The following JOSD1 variants were observed in gnomAD, a reference collection of about 807,000 sequenced individuals.
The protein encoded by JOSD1 is Josephin domain containing 1.
A neutral mutation model predicts 24.3 loss-of-function variants in JOSD1; 11 were observed. The ratio of observed to expected loss-of-function variants is 0.45; its 90% CI spans 0.29 to 0.75. JOSD1 has a LOEUF of 0.75. JOSD1 is among the 30% of genes least tolerant of loss of function. JOSD1 has a pLI of 0.11. For missense variants in JOSD1, 184 were observed against 253.5 expected, an observed-to-expected ratio of 0.73 and a Z score of 1.86; for synonymous variants, 106 against 93.8, an observed-to-expected ratio of 1.13 and a Z score of -0.75.
At chr22:38,700,718 C>T (rs562479007) in intron 1 of JOSD1, 82 bp downstream of exon 1, 3 of 979,080 alleles carry the variant, frequency 3.1e-6, no homozygotes, top group Admixed American at 6.2e-5. Flanking sequence ...CGGCGAAGGG[C>T]TGGCCCGCGA....
At chr22:38,689,781 T>C (rs917699155) in intron 2 of JOSD1, among the ~76,000 whole-genome samples, 1 of 152,046 alleles carries the variant, frequency 6.6e-6, no homozygotes, top group Admixed American at 6.6e-5. Context: ...AACTTGGTAA[T>C]CATTAATCAT....
Position 38,700,496 on chromosome 22 carries a change from C to T in JOSD1, c.-509G>A. 1 of 986,252 alleles carries T rather than the reference C, an allele frequency of 1.0e-6. No homozygotes were observed. Among genetic ancestry groups the T allele is most frequent in the African/African-American group, 1.7e-5 (1 of 57,374 alleles). 61.1% of individuals were successfully genotyped at this position (986,252 alleles called of 1,614,324 possible). ...GAGTCGAGTAGCTAGCGCGGGCCGG[C>T]AGGCGTGGGACCGCGAGCCGCGCGG... On this transcript the variant is annotated 5_prime_UTR_variant, in exon 2 of 5. Coordinates refer to ENST00000683374, the MANE Select transcript of JOSD1 (RefSeq NM_001360236.2).
chr22:38,691,511 T>C (rs2092522187), intron 2 of JOSD1, among the ~76,000 whole-genome samples: 1 of 152,182 alleles, frequency 6.6e-6, no homozygotes, highest in Non-Finnish European at 1.5e-5. Flanking sequence ...GCAGATCTCA[T>C]CTCTTACCTT....
chr22:38,693,594 T>C (rs1381512005), intron 2 of JOSD1, among the ~76,000 whole-genome samples: 2 of 152,174 alleles, frequency 1.3e-5, no homozygotes, highest in African/African-American at 4.8e-5. Flanking sequence ...CATATGGCCT[T>C]TATTCTATTT....
chr22:38,692,361 A>G (rs1268242356), intron 2 of JOSD1, among the ~76,000 whole-genome samples: 1 of 152,130 alleles, frequency 6.6e-6, no homozygotes, highest in South Asian at 2.1e-4. Flanking sequence ...AGGACCCAAG[A>G]ATCAGAGTGG....
Position 38,688,984 on chromosome 22 carries a change from C to T in JOSD1, c.460G>A (p.Asp154Asn), listed in dbSNP as rs1236654990. The change falls in exon 4 of 5, where the codon GAC becomes AAC. Residue 154 changes from aspartate (D) to asparagine (N), a missense_variant. Physicochemically the swap from Asp to Asn is conservative, Grantham distance 23. Coordinates refer to ENST00000683374, the MANE Select transcript of JOSD1 (RefSeq NM_001360236.2). ...CACTCGGGCATCTTGAGTTTGGAGT[C>T]GAGGTTGTAGTAGGCCCCTCCCACC... is the stretch of plus-strand genomic sequence containing the variant. ...REVGGAYYNL[D>N]SKLKMPEWIG... 4 of 1,614,074 alleles carry T rather than the reference C, an allele frequency of 2.5e-6. No homozygotes were observed. Among genetic ancestry groups the T allele is most frequent in the African/African-American group, 1.3e-5 (1 of 75,046 alleles).
intron 4 of JOSD1, 29 bp downstream of exon 4, chr22:38,688,906 G>T (rs763223657): frequency 6.3e-7 from 1 of 1,592,160 alleles, no homozygotes; most frequent in Non-Finnish European, 8.6e-7. Flanking sequence ...AAGCAGCCTA[G>T]CAACTTAGTC....
chr22:38,693,717 G>A (rs776136997), intron 2 of JOSD1, among the ~76,000 whole-genome samples: 3 of 152,168 alleles, frequency 2.0e-5, no homozygotes, highest in Non-Finnish European at 4.4e-5. Flanking sequence ...TTGAGCCACT[G>A]TGCCCAGCAG....
intron 4 of JOSD1, 83 bp from the exon 5 acceptor site, chr22:38,688,084 ACT>A (rs1291556520): frequency 4.4e-6 from 4 of 904,644 alleles, no homozygotes; most frequent in African/African-American, 3.3e-5. Flanking sequence ...CTGAAACCTC[ACT>A]CTACCCTCGG....
rs558024861 is a variant in JOSD1 at position 38,699,154 on chromosome 22, A to G, written c.185+649T>C. Among the ~76,000 whole-genome samples, 35 of 152,368 alleles carry G rather than the reference A, an allele frequency of 2.3e-4. 1 individual carries two copies. Among genetic ancestry groups the G allele is most frequent in the Middle Eastern group, 6.8e-3 (2 of 294 alleles). ...AGATCTGGAGTCAACTTCAAATTATAGCTTTGCTATTTAGAAGCTATTTGG... is the reference window on the plus strand; with the variant it reads ...AGATCTGGAGTCAACTTCAAATTATGGCTTTGCTATTTAGAAGCTATTTGG... On this transcript the variant is annotated intron_variant, in intron 2 of 4. Transcript: ENST00000683374.
chr22:38,697,079 C>T (rs1320363064), intron 2 of JOSD1, among the ~76,000 whole-genome samples: 1 of 152,210 alleles, frequency 6.6e-6, no homozygotes. Context: ...CTGGTTAAAG[C>T]ATAGCTGAGA....
intron 2 of JOSD1, among the ~76,000 whole-genome samples, chr22:38,699,432 T>C (rs145923157): frequency 1.3e-5 from 2 of 152,364 alleles, no homozygotes; most frequent in African/African-American, 4.8e-5. Flanking sequence ...ACAGGCATTA[T>C]AGCATAGTGG....
At chr22:38,694,419 C>T (rs1362327428) in intron 2 of JOSD1, among the ~76,000 whole-genome samples, 1 of 152,148 alleles carries the variant, frequency 6.6e-6, no homozygotes, top group Non-Finnish European at 1.5e-5. Context: ...CCTGATGATT[C>T]CAGTGGAAAG....
Position 38,689,014 on chromosome 22 carries a change from G to C in JOSD1, c.430C>G (p.Arg144Gly). The change falls in exon 4 of 5, where the codon CGA (arginine) becomes GGA (glycine). Residue 144 changes from arginine to glycine, a missense_variant. Transcript: ENST00000683374. ...PLKRQHWICV[R>G]EVGGAYYNLD... is the part of the protein sequence containing the mutation. Reference sequence around the variant, plus strand: ...TTGTAGTAGGCCCCTCCCACCTCTCGAACACAGATCCAGTGCTGCCTTTTG... The same window carrying C: ...TTGTAGTAGGCCCCTCCCACCTCTCCAACACAGATCCAGTGCTGCCTTTTG... The C allele has an allele frequency of 1.2e-6, 2 of 1,614,104 alleles. No individual in the cohort carries two copies. Among genetic ancestry groups the C allele is most frequent in the Non-Finnish European group, 1.7e-6 (2 of 1,180,030 alleles).
chr22:38,692,896 G>A lies in JOSD1; in HGVS notation c.186-3472C>T, dbSNP rs150954627. 2.0e-5 allele frequency among the ~76,000 whole-genome samples: 3 copies of A among 151,398 alleles called. No homozygotes were observed. The East Asian group carries it at 5.8e-4, about 29-fold the overall frequency. On this transcript the variant is annotated intron_variant, in intron 2 of 4. Coordinates refer to ENST00000683374, the MANE Select transcript of JOSD1 (RefSeq NM_001360236.2). ...TCCCAAGTTTCTTGTTCCTTTCACT[G>A]AAGTCTCTGACCAGTACATGAATGA...
At chr22:38,689,912 C>CTGTGTGTGTGTGTGTGTGTGTGTGTG (rs57064558) in intron 2 of JOSD1, among the ~76,000 whole-genome samples, 188 of 144,624 alleles carry the variant, frequency 1.3e-3, no homozygotes, top group African/African-American at 4.6e-3. Flanking sequence ...TAAAGGCATT[C>CTGTGTGTGTGTGTGTGTGTGTGTGTG]TGTGTGTGTG....
intron 4 of JOSD1, among the ~76,000 whole-genome samples, chr22:38,688,244 C>A (rs1365023536): frequency 6.6e-6 from 1 of 152,000 alleles, no homozygotes; most frequent in Non-Finnish European, 1.5e-5. Context: ...ATAACAGTAC[C>A]CAAAGTATAT....
Position 38,687,374 on chromosome 22 carries a change from GA to G in JOSD1, c.*527del. ...GCCATAAACCACCCTTAAACCTGGG[GA>G]TAAGGGTTGGAGACAGCATGCTGTA... On this transcript the variant is annotated 3_prime_UTR_variant, in exon 5 of 5. Transcript: ENST00000683374. The G allele has an allele frequency of 6.5e-6, 1 of 153,292 alleles. No homozygotes were observed. Among genetic ancestry groups the G allele is most frequent in the East Asian group, 1.9e-4 (1 of 5,202 alleles). The allele number at this position is 153,292 out of a possible 1,614,324, so 9.5% of individuals were successfully genotyped here. A position where few individuals can be genotyped will look rare whatever the true frequency, so the allele number is the denominator to read the frequency against.
intron 2 of JOSD1, among the ~76,000 whole-genome samples, chr22:38,691,243 T>C (rs2092520690): frequency 6.6e-6 from 1 of 151,076 alleles, no homozygotes; most frequent in African/African-American, 2.4e-5. Flanking sequence ...CATGTGCCTA[T>C]GGTCCCAGCT....
Sources: allele counts gnomAD v4.1 joint callset (sites outside exome capture counted in the v4.1 genomes callset), GRCh38; gene constraint gnomAD v4.1.1; transcripts MANE v1.5; gene names NCBI Gene and HGNC (gene_info 2026-07-23, HGNC 2026-07-21).